MAP4K3: variants seen among roughly 807,000 people sequenced by gnomAD.
MAP4K3 encodes the protein mitogen-activated protein kinase kinase kinase kinase 3.
MAP4K3 carries 94 observed loss-of-function variants against 143.5 expected under a neutral mutation model. The observed-to-expected ratio is 0.65, with a 90% CI of 0.55 to 0.78. The LOEUF (loss-of-function observed/expected upper bound fraction) is 0.78. MAP4K3 is among the 30% of genes least tolerant of loss of function. MAP4K3 has a pLI of 0.00. For synonymous variants in MAP4K3, 416 were observed against 347.2 expected (o/e 1.20, Z -2.20); for missense variants, 1,077 against 1,068.1 (o/e 1.01, Z -0.12).
chr2:39,256,292 CTCATT>C (rs765418606), intron 31 of MAP4K3, among the ~76,000 whole-genome samples: 13 of 152,154 alleles, frequency 8.5e-5, no homozygotes, highest in Non-Finnish European at 1.9e-4. Context: ...CTTTCCCTTT[CTCATT>C]TAATAGACAA....
At chr2:39,415,295 A>C (rs1667340503) in intron 1 of MAP4K3, among the ~76,000 whole-genome samples, 1 of 152,230 alleles carries the variant, frequency 6.6e-6, no homozygotes, top group Non-Finnish European at 1.5e-5. Context: ...ACTTTGTTTA[A>C]GCAACAAAGG....
At chr2:39,363,668 C>CAAA (rs34083007) in intron 2 of MAP4K3, among the ~76,000 whole-genome samples, 1,024 of 82,880 alleles carry the variant, frequency 0.012, 52 homozygotes, top group East Asian at 0.027. Flanking sequence ...GACTCTGTCT[C>CAAA]AAAAAAAAAA....
intron 18 of MAP4K3, 92 bp downstream of exon 18, chr2:39,292,681 A>G (rs1682097807): frequency 2.0e-6 from 2 of 987,636 alleles, no homozygotes; most frequent in Non-Finnish European, 3.3e-6. Flanking sequence ...TGTTACTGAT[A>G]TTGAAATTTC....
chr2:39,279,460 G>A lies in MAP4K3; in HGVS notation c.1714+812C>T, dbSNP rs560859528. On this transcript the variant is annotated intron_variant, in intron 23 of 33. Transcript: ENST00000263881. Reference sequence around the variant, plus strand: ...TGTGTATGTATATAAAAATGTTCACGTATAAATGTTCTATGTGTATCTTAC... The same window carrying A: ...TGTGTATGTATATAAAAATGTTCACATATAAATGTTCTATGTGTATCTTAC... 3.3e-5 allele frequency among the ~76,000 whole-genome samples: 5 copies of A among 152,228 alleles called. No individual in the cohort carries two copies. The East Asian group carries it at 7.7e-4, about 24-fold the overall frequency.
Position 39,250,385 on chromosome 2 carries a change from G to C in MAP4K3, c.*233C>G. ...TATGAAGTTTCACAGAAAAAATACT[G>C]CCTATATGTACAAAGATTACATAAC... is the stretch of plus-strand genomic sequence containing the variant. On this transcript the variant is annotated 3_prime_UTR_variant, in exon 34 of 34. Transcript: ENST00000263881. 1 of 434,148 alleles carries C rather than the reference G, an allele frequency of 2.3e-6. No individual in the cohort carries two copies. The highest frequency in any genetic ancestry group is 4.1e-6 in the Non-Finnish European group (1 of 242,820). The allele number at this position is 434,148 out of a possible 1,614,324, so 26.9% of individuals were successfully genotyped here. A position where few individuals can be genotyped will look rare whatever the true frequency, so the allele number is the denominator to read the frequency against.
intron 3 of MAP4K3, among the ~76,000 whole-genome samples, chr2:39,345,061 T>A (rs928372528): frequency 1.3e-5 from 2 of 152,150 alleles, no homozygotes; most frequent in Non-Finnish European, 2.9e-5. Context: ...GAGTGTTACA[T>A]GAACAATACA....
Position 39,325,531 on chromosome 2 carries a change from T to A in MAP4K3, c.905A>T (p.Asp302Val), listed in dbSNP as rs1023030027. Residue 302 changes from aspartate to valine, a missense_variant, in exon 12 of 34, where the codon GAT becomes GTT. Transcript: ENST00000263881. ...AGCAATTCCTACCTCAGGATCATCA[T>A]CATCGAAATCATGGTAAGTGGAATG... Reference protein sequence around the residue: ...PDHSTYHDFDDDDPEPLVAVP... With the variant: ...PDHSTYHDFDVDDPEPLVAVP... 1 of 1,610,902 alleles carries A rather than the reference T, an allele frequency of 6.2e-7. No individual in the cohort carries two copies. The highest frequency in any genetic ancestry group is 1.3e-5 in the African/African-American group (1 of 74,838).
At chr2:39,277,682 A>G (rs1222357309) in intron 24 of MAP4K3, among the ~76,000 whole-genome samples, 1 of 151,862 alleles carries the variant, frequency 6.6e-6, no homozygotes, top group Admixed American at 6.5e-5. Flanking sequence ...CTCCTGTCTC[A>G]GCCTTCGAAG....
intron 1 of MAP4K3, among the ~76,000 whole-genome samples, chr2:39,403,255 A>C (rs1446985246): frequency 3.9e-5 from 6 of 152,176 alleles, no homozygotes; most frequent in Non-Finnish European, 8.8e-5. Context: ...CTATCTACAC[A>C]CAAAAAAGCA....
chr2:39,322,543 C>A (rs1683341394), intron 12 of MAP4K3, among the ~76,000 whole-genome samples: 1 of 151,070 alleles, frequency 6.6e-6, no homozygotes, highest in South Asian at 2.1e-4. Context: ...AAACTTTCTT[C>A]CACAGTGCAT....
At chr2:39,430,236 C>T (rs950185345) in intron 1 of MAP4K3, among the ~76,000 whole-genome samples, 1 of 152,106 alleles carries the variant, frequency 6.6e-6, no homozygotes, top group African/African-American at 2.4e-5. Flanking sequence ...GTAGATGATC[C>T]TTTATACAGA....
At position 39,385,551 on chromosome 2, in the gene MAP4K3, CATATAT is replaced by C. The variant is rs140387430; in HGVS notation, c.97-7434_97-7429del. Among the ~76,000 whole-genome samples the C allele has an allele frequency of 3.7e-3, 416 of 111,204 alleles. 3 individuals carry two copies. Among genetic ancestry groups the C allele is most frequent in the Middle Eastern group, 0.014 (3 of 212 alleles). The allele number at this position is 111,204 out of a possible 152,430, so 73.0% of individuals were successfully genotyped here. On this transcript the variant is annotated intron_variant, in intron 1 of 33. Transcript: ENST00000263881. ...TTCTTACTGAGTTATGAGCGTTCTT[CATATAT>C]ATATATATATATATATATATATATA...
chr2:39,263,464 A>G (rs1266585148), intron 28 of MAP4K3, among the ~76,000 whole-genome samples: 2 of 142,850 alleles, frequency 1.4e-5, no homozygotes, highest in Non-Finnish European at 1.5e-5. Context: ...TATTTTTAGT[A>G]GAGACGGGGT....
intron 21 of MAP4K3, among the ~76,000 whole-genome samples, chr2:39,285,221 C>A (rs1390209885): frequency 6.6e-6 from 1 of 152,162 alleles, no homozygotes; most frequent in African/African-American, 2.4e-5. Flanking sequence ...TGTAAGCATG[C>A]TTCAATATAT....
At chr2:39,275,437 A>G (rs1681208491) in intron 24 of MAP4K3, among the ~76,000 whole-genome samples, 1 of 152,168 alleles carries the variant, frequency 6.6e-6, no homozygotes, top group African/African-American at 2.4e-5. Context: ...AGCTGTGTTC[A>G]CGCCACTGCC....
intron 1 of MAP4K3, among the ~76,000 whole-genome samples, chr2:39,391,103 C>G (rs1448179992): frequency 6.6e-6 from 1 of 151,948 alleles, no homozygotes; most frequent in Admixed American, 6.6e-5. Context: ...AGCCTGTAAT[C>G]CCAGCACTTT....
chr2:39,309,593 T>C, intron 13 of MAP4K3, 74 bp from the exon 14 acceptor site: 1 of 858,732 alleles, frequency 1.2e-6, no homozygotes, highest in South Asian at 1.7e-5. Flanking sequence ...AGTCTTGCTC[T>C]GTCTCCCACG....
intron 1 of MAP4K3, among the ~76,000 whole-genome samples, chr2:39,401,477 C>T (rs1472924858): frequency 6.6e-6 from 1 of 152,154 alleles, no homozygotes; most frequent in African/African-American, 2.4e-5. Context: ...CTACCAGCTG[C>T]TCTGTTCCCA....
chr2:39,386,568 T>C (rs1161304458), intron 1 of MAP4K3, among the ~76,000 whole-genome samples: 1 of 152,242 alleles, frequency 6.6e-6, no homozygotes, highest in Non-Finnish European at 1.5e-5. Context: ...TTTGAGATCA[T>C]TTTTGTGTAA....
Sources: allele counts gnomAD v4.1 joint callset (sites outside exome capture counted in the v4.1 genomes callset), GRCh38; gene constraint gnomAD v4.1.1; transcripts MANE v1.5; gene names NCBI Gene and HGNC (gene_info 2026-07-23, HGNC 2026-07-21).